The following TPX2 variants were observed in gnomAD, a reference collection of about 807,000 sequenced individuals.
TPX2 encodes the protein targeting protein for Xklp2.
Under a neutral mutation model 93.6 loss-of-function variants are expected in TPX2, and 21 were observed. The observed-to-expected ratio is 0.22, with a 90% CI of 0.16 to 0.32. TPX2 has a LOEUF of 0.32. TPX2 is among the 10% of genes least tolerant of loss of function. The pLI is 1.00. For synonymous variants in TPX2, 281 were observed against 298.3 expected, an observed-to-expected ratio of 0.94 and a Z score of 0.60; for missense variants, 776 against 871.1, an observed-to-expected ratio of 0.89 and a Z score of 1.37.
intron 5 of TPX2, 51 bp downstream of exon 5, chr20:31,766,733 A>T (rs752929753): frequency 1.3e-5 from 20 of 1,573,178 alleles, no homozygotes; most frequent in Non-Finnish European, 1.7e-5. Context: ...TGTTCAAAGG[A>T]TAGTTACTGG....
chr20:31,782,847 C>T (rs781580784), intron 11 of TPX2, among the ~76,000 whole-genome samples: 2 of 151,506 alleles, frequency 1.3e-5, no homozygotes, highest in Non-Finnish European at 2.9e-5. Context: ...CAATATACTC[C>T]AGCTTGGGTG....
intron 1 of TPX2, among the ~76,000 whole-genome samples, chr20:31,740,684 T>C (rs1005673234): frequency 1.3e-5 from 2 of 152,258 alleles, no homozygotes; most frequent in African/African-American, 4.8e-5. Flanking sequence ...CAGAGCAAGA[T>C]AGGACACCAT....
rs780605957 is a variant in TPX2, at chr20:31,792,808, G to A, written c.1487G>A (p.Arg496Gln). Reference sequence around the variant, plus strand: ...GCCTTTGCATTGAAGAACAGAATTCGAATGCCCACCAAAGAAGATGAGGTG... The same window carrying A: ...GCCTTTGCATTGAAGAACAGAATTCAAATGCCCACCAAAGAAGATGAGGTG... ...SPAFALKNRI[R>Q]MPTKEDEEED... The change falls in exon 13 of 18, where the codon CGA becomes CAA. Residue 496 changes from arginine to glutamine, a missense_variant. Physicochemically the swap from Arg to Gln is conservative, Grantham distance 43. This residue lies in a region of TPX2 where 461 missense variants were observed against 551.2 expected (regional missense o/e 0.84). Transcript: ENST00000300403. The A allele has an allele frequency of 1.2e-5, 19 of 1,614,032 alleles. No homozygotes were observed. The highest frequency in any genetic ancestry group is 1.5e-5 in the Non-Finnish European group (18 of 1,180,036).
rs143636609 is a variant in TPX2, at chr20:31,792,932, T to G, written c.1509+102T>G. ...TAATGGAGTTCAAAGGCAACCACTC[T>G]TTTTTGGACTTGTCTTTAAGAATGG... On this transcript the variant is annotated intron_variant, in intron 13 of 17. Transcript: ENST00000300403. 1,707 of 1,042,388 alleles carry G rather than the reference T, an allele frequency of 1.6e-3. 20 individuals are homozygous for G. Among genetic ancestry groups the G allele is most frequent in the African/African-American group, 0.011 (703 of 62,636 alleles). The allele number at this position is 1,042,388 out of a possible 1,614,324, so 64.6% of individuals were successfully genotyped here.
intron 1 of TPX2, among the ~76,000 whole-genome samples, chr20:31,741,202 C>T (rs2122930334): frequency 6.6e-6 from 1 of 152,192 alleles, no homozygotes; most frequent in Admixed American, 6.5e-5. Context: ...CTTTGAGTTC[C>T]TGGGAGAAAG....
At chr20:31,798,225 C>G in intron 16 of TPX2, 140 bp from the exon 17 acceptor site, 2 of 1,045,226 alleles carry the variant, frequency 1.9e-6, no homozygotes, top group Non-Finnish European at 2.8e-6. Flanking sequence ...TTAGTTGGCT[C>G]TACCTTTCTC....
intron 2 of TPX2, among the ~76,000 whole-genome samples, chr20:31,746,113 G>T (rs2061782421): frequency 6.6e-6 from 1 of 152,264 alleles, no homozygotes; most frequent in African/African-American, 2.4e-5. Context: ...GGACAGTGAG[G>T]GATTGTCATT....
chr20:31,763,139 T>C (rs564913531), intron 4 of TPX2, among the ~76,000 whole-genome samples: 1 of 152,256 alleles, frequency 6.6e-6, no homozygotes, highest in South Asian at 2.1e-4. Context: ...TTGCATAGGA[T>C]TGGTTTGGCT....
chr20:31,747,272 C>T (rs967825411), intron 2 of TPX2, among the ~76,000 whole-genome samples: 3 of 152,134 alleles, frequency 2.0e-5, no homozygotes, highest in African/African-American at 7.2e-5. Context: ...AGGCACGTAC[C>T]CACCACGCCC....
rs1379547401 is a variant in TPX2 at position 31,798,487 on chromosome 20, G to C, written c.2068G>C (p.Glu690Gln). 1.2e-6 allele frequency: 2 copies of C among 1,613,620 alleles called. No individual in the cohort carries two copies. The highest frequency in any genetic ancestry group is 1.7e-6 in the Non-Finnish European group (2 of 1,179,992). Residue 690 changes from glutamate (E) to glutamine (Q), a missense_variant, in exon 17 of 18, where the codon GAG becomes CAG. Transcript: ENST00000300403. ...EVEAQKAQQL[E>Q]EARLQEEEQK... is the part of the protein sequence containing the mutation. The stretch of plus-strand genomic sequence containing the variant: ...AGAAGCCCAGAAAGCCCAGCAGTTG[G>C]AGGAGGCCAGACTACAGGAGGAAGA...
intron 5 of TPX2, among the ~76,000 whole-genome samples, chr20:31,769,526 A>G (rs1394117342): frequency 1.3e-5 from 2 of 151,742 alleles, no homozygotes; most frequent in Non-Finnish European, 2.9e-5. Context: ...GGGTTTCACC[A>G]TGTTATCCAG....
At chr20:31,742,234 C>T (rs2061757471) in intron 1 of TPX2, among the ~76,000 whole-genome samples, 1 of 143,326 alleles carries the variant, frequency 7.0e-6, no homozygotes, top group Admixed American at 7.2e-5. Context: ...AGTGCACTGG[C>T]TGGCGCAATC....
In TPX2 at chr20:31,766,646, C is replaced by T; in HGVS notation, c.320C>T (p.Ala107Val). Residue 107 changes from alanine (A) to valine (V), a missense_variant, in exon 5 of 18, where the codon GCA (alanine) becomes GTA (valine). Transcript: ENST00000300403. ...SNACSSLEVE[A>V]AISRKTPAQP... ...GCTTGTTCTTCCCTGGAAGTTGAGG[C>T]AGCCATATCAAGAAAAACTCCAGCC... 1 of 1,613,694 alleles carries T rather than the reference C, an allele frequency of 6.2e-7. No homozygotes were observed. The highest frequency in any genetic ancestry group is 2.2e-5 in the East Asian group (1 of 44,866).
At chr20:31,786,338 A>C (rs190694645) in intron 12 of TPX2, among the ~76,000 whole-genome samples, 206 of 151,792 alleles carry the variant, frequency 1.4e-3, no homozygotes, top group African/African-American at 4.4e-3. Flanking sequence ...AAAAAAAAAA[A>C]AACAACAGTC....
At chr20:31,785,385 C>T (rs2062059560) in intron 12 of TPX2, among the ~76,000 whole-genome samples, 1 of 152,110 alleles carries the variant, frequency 6.6e-6, no homozygotes, top group Admixed American at 6.5e-5. Flanking sequence ...GTTGTAGAGC[C>T]AGAAGGGCTC....
chr20:31,790,611 A>C (rs1001949935), intron 12 of TPX2, among the ~76,000 whole-genome samples: 3 of 152,210 alleles, frequency 2.0e-5, no homozygotes, highest in Admixed American at 6.5e-5. Context: ...ACATGTTTCG[A>C]ACGGTTGCAG....
At chr20:31,786,400 G>GTTTTTTTTTGTTT (rs1555787853) in intron 12 of TPX2, among the ~76,000 whole-genome samples, 2 of 89,344 alleles carry the variant, frequency 2.2e-5, no homozygotes, top group Non-Finnish European at 4.4e-5. Context: ...CTGAACTACT[G>GTTTTTTTTTGTTT]TTTTTTTTTT....
In TPX2 at chr20:31,782,359, C is replaced by T; in HGVS notation, c.1165C>T (p.Leu389=). 6.2e-7 allele frequency: 1 copy of T among 1,612,772 alleles called. No homozygotes were observed. Among genetic ancestry groups the T allele is most frequent in the South Asian group, 1.1e-5 (1 of 90,732 alleles). The change falls in exon 11 of 18, where the codon CTG becomes TTG. Residue 389 remains leucine, a synonymous_variant. Transcript: ENST00000300403. ...TGTGACCTGCAAAAGTACAGCAGAG[C>T]TGGAGGCTGAGGAGCTCGAGAAATT... ...RAVTCKSTAE[L]EAEELEKLQQ... is the part of the protein sequence containing the mutation.
intron 7 of TPX2, among the ~76,000 whole-genome samples, chr20:31,773,656 C>T (rs1417951470): frequency 6.6e-6 from 1 of 152,016 alleles, no homozygotes; most frequent in Admixed American, 6.6e-5. Context: ...TGTTTATTAA[C>T]TTATAAAATT....
Sources: gnomAD v4.1 joint callset for allele counts (sites outside exome capture counted in the v4.1 genomes callset) on GRCh38, gnomAD v4.1.1 for gene constraint, gnomAD v4.1.1 regional missense constraint, MANE v1.5 for transcripts, NCBI Gene and HGNC (gene_info 2026-07-23, HGNC 2026-07-21) for gene names.